Variants in IDS observed in about 807,000 individuals in gnomAD.
IDS encodes alpha-L-iduronate sulfate sulfatase.
Under a neutral mutation model 33.5 loss-of-function variants are expected in IDS, and 1 was observed. The observed-to-expected ratio is 0.03, with a 90% CI of 0.01 to 0.14. IDS has a LOEUF of 0.14. Among genes scored for constraint, IDS ranks in the 10% least tolerant of loss-of-function variants. The pLI, the probability that IDS is intolerant of heterozygous loss-of-function variation, is 1.00. For synonymous variants in IDS, 191 were observed against 184.4 expected (o/e 1.04, Z -0.29); for missense variants, 328 against 448.0 (o/e 0.73, Z 2.42).
At position 149,491,745 on chromosome X, in the gene IDS, C is replaced by T. The variant is rs1332024649; in HGVS notation, c.880-1305G>A. 13 of 777,861 alleles carry T rather than the reference C, an allele frequency of 1.7e-5. No individual in the cohort carries two copies. In the East Asian group the frequency reaches 2.4e-4, roughly 14 times the overall value. The allele number at this position is 777,861 out of a possible 1,213,427, so 64.1% of individuals were successfully genotyped here. ...CCTCCTTCCTATGCTAGCCCCTGGA[C>T]GTAAGGCAATAAGCAGACAAGGTCC... On this transcript the variant is annotated intron_variant, in intron 6 of 8. Transcript: ENST00000340855.
At position 149,481,707 on chromosome X, in the gene IDS, T is replaced by C. The variant is rs1272235130; in HGVS notation, c.*1039A>G. 2.7e-5 allele frequency: 3 copies of C among 112,340 alleles called. No homozygotes were observed. Among genetic ancestry groups the C allele is most frequent in the African/African-American group, 9.7e-5 (3 of 30,902 alleles). 9.3% of individuals were successfully genotyped at this position (112,340 alleles called of 1,213,427 possible). A position where few individuals can be genotyped will look rare whatever the true frequency, so the allele number is the denominator to read the frequency against. ...TGGATACTTTCATATTTAGAGAATATAGAACTACATTCTGGGAGATTGACA... is the reference window on the plus strand; with the variant it reads ...TGGATACTTTCATATTTAGAGAATACAGAACTACATTCTGGGAGATTGACA... On this transcript the variant is annotated 3_prime_UTR_variant, in exon 9 of 9. Transcript: ENST00000340855.
At chrX:149,483,313 G>A in intron 8 of IDS, 95 bp from the exon 9 acceptor site, 1 of 646,266 alleles carries the variant, frequency 1.5e-6, no homozygotes, top group Non-Finnish European at 2.5e-6. Context: ...GGCTCCATAT[G>A]TTTTCTTTTT....
chrX:149,499,551 G>A (rs1476134127), intron 4 of IDS, among the ~76,000 whole-genome samples: 1 of 110,957 alleles, frequency 9.0e-6, no homozygotes, highest in East Asian at 2.8e-4. Context: ...GCTGGGTGCT[G>A]AGACAAAATG....
At position 149,501,048 on chromosome X, in the gene IDS, A is replaced by C. The variant is rs782126196; in HGVS notation, c.419-11T>G. ...GGTTAGAAGATATCCCTTGGAAAAAAAAAAAGGTTGTTAAAACATGATGAG... is the reference window on the plus strand; with the variant it reads ...GGTTAGAAGATATCCCTTGGAAAAACAAAAAGGTTGTTAAAACATGATGAG... On this transcript the variant is annotated splice_polypyrimidine_tract_variant and intron_variant, in intron 3 of 8. Coordinates refer to ENST00000340855, the MANE Select transcript of IDS (RefSeq NM_000202.8). 5 of 1,088,392 alleles carry C rather than the reference A, an allele frequency of 4.6e-6. No homozygotes were observed. In the African/African-American group the frequency reaches 7.3e-5, roughly 16 times the overall value. 89.7% of individuals were successfully genotyped at this position (1,088,392 alleles called of 1,213,427 possible).
At chrX:149,494,928 C>T (rs189840182) in intron 6 of IDS, among the ~76,000 whole-genome samples, 54 of 111,764 alleles carry the variant, frequency 4.8e-4, no homozygotes, top group African/African-American at 1.5e-3. Context: ...CAGATCCAAC[C>T]ATGGGGCTTT....
intron 7 of IDS, 36 bp downstream of exon 7, chrX:149,490,278 A>C: frequency 8.3e-7 from 1 of 1,199,667 alleles, no homozygotes; most frequent in Non-Finnish European, 1.1e-6. Context: ...GAAAGTTCAG[A>C]TGTTTTGACT....
Position 149,479,753 on chromosome X carries a change from G to T in IDS, c.*2993C>A, listed in dbSNP as rs2089285592. On this transcript the variant is annotated 3_prime_UTR_variant, in exon 9 of 9. Coordinates refer to ENST00000340855, the MANE Select transcript of IDS (RefSeq NM_000202.8). ...TGATAAAGAATATGACCAGAACAAT[G>T]CAAAAAATTCACACCCCCAAAAAAG... 8.9e-6 allele frequency: 1 copy of T among 112,247 alleles called. No individual in the cohort carries two copies. Among genetic ancestry groups the T allele is most frequent in the African/African-American group, 3.3e-5 (1 of 30,703 alleles). 9.3% of individuals were successfully genotyped at this position (112,247 alleles called of 1,213,427 possible).
At chrX:149,500,912 TG>T (rs2089474376) in intron 4 of IDS, 36 bp downstream of exon 4, 4 of 877,372 alleles carry the variant, frequency 4.6e-6, no homozygotes, top group Admixed American at 4.4e-5. Flanking sequence ...AAGGAAAAAG[TG>T]GTTCCTCTTC....
chrX:149,502,637 G>T (rs782015935), intron 3 of IDS: 4 of 124,164 alleles, frequency 3.2e-5, no homozygotes, highest in Middle Eastern at 4.1e-3. Flanking sequence ...TGGTGCTCTT[G>T]TCTTCCAATA....
chrX:149,489,777 T>C (rs2089372770), intron 7 of IDS, among the ~76,000 whole-genome samples: 1 of 111,143 alleles, frequency 9.0e-6, no homozygotes, highest in Non-Finnish European at 1.9e-5. Flanking sequence ...TCCCTGCTCT[T>C]GGAATGTTGA....
intron 8 of IDS, among the ~76,000 whole-genome samples, chrX:149,484,717 G>T (rs1218729967): frequency 2.7e-5 from 3 of 112,469 alleles, no homozygotes; most frequent in African/African-American, 9.7e-5. Flanking sequence ...TCTAAATACT[G>T]TACTTTATAT....
At chrX:149,484,599 C>A (rs782620105) in intron 8 of IDS, among the ~76,000 whole-genome samples, 1 of 112,820 alleles carries the variant, frequency 8.9e-6, no homozygotes, top group Non-Finnish European at 1.9e-5. Flanking sequence ...GGATTACTGG[C>A]GTGAGCCACC....
chrX:149,494,193 G>C (rs1166080047), intron 6 of IDS, among the ~76,000 whole-genome samples: 1 of 111,665 alleles, frequency 9.0e-6, no homozygotes, highest in African/African-American at 3.3e-5. Flanking sequence ...TGACGATAAA[G>C]GTACTGCAGG....
Position 149,500,974 on chromosome X carries a change from G to C in IDS, c.482C>G (p.Ser161Cys), listed in dbSNP as rs2089474844. The change falls in exon 4 of 9, where the codon TCC becomes TGC. Residue 161 changes from serine to cysteine, a missense_variant. Ser to Cys is a moderately radical substitution (Grantham distance 112). Transcript: ENST00000340855. Reference protein sequence around the residue: ...YSWSFPPYHPSSEKYENTKTC... With the variant: ...YSWSFPPYHPCSEKYENTKTC... ...CTTAGTGTTTTCATACTTCTCAGAG[G>C]AAGGATGATAAGGTGGAAAAGACCA... 1 of 1,178,380 alleles carries C rather than the reference G, an allele frequency of 8.5e-7. No homozygotes were observed. The highest frequency in any genetic ancestry group is 2.2e-5 in the Admixed American group (1 of 45,984).
At position 149,505,278 on chromosome X, in the gene IDS, CAGGCCCGGGCGCTG is replaced by C; in HGVS notation, c.-155_-142del. ...GCAACACAGCCGCCGCCCGGGCCCG[CAGGCCCGGGCGCTG>C]GCCGCAGCGCGAGTGCGTCCGTGCG... On this transcript the variant is annotated 5_prime_UTR_variant, in exon 1 of 9. Coordinates refer to ENST00000340855, the MANE Select transcript of IDS (RefSeq NM_000202.8). 3.0e-6 allele frequency: 1 copy of C among 328,675 alleles called. No individual in the cohort carries two copies. The highest frequency in any genetic ancestry group is 5.2e-6 in the Non-Finnish European group (1 of 191,561). 27.1% of individuals were successfully genotyped at this position (328,675 alleles called of 1,213,427 possible).
rs1557337016 is a variant in IDS, at chrX:149,477,762, A to G, written c.*4984T>C. Reference sequence around the variant, plus strand: ...AGTAACATGTGGAAAGGCAAGACCCAAGAGCAGTGAGGGCTCTTGGCCATT... The same window carrying G: ...AGTAACATGTGGAAAGGCAAGACCCGAGAGCAGTGAGGGCTCTTGGCCATT... On this transcript the variant is annotated 3_prime_UTR_variant, in exon 9 of 9. Coordinates refer to ENST00000340855, the MANE Select transcript of IDS (RefSeq NM_000202.8). 1 of 112,708 alleles carries G rather than the reference A, an allele frequency of 8.9e-6. No homozygotes were observed. Among genetic ancestry groups the G allele is most frequent in the Non-Finnish European group, 1.9e-5 (1 of 53,292 alleles). The allele number at this position is 112,708 out of a possible 1,213,427, so 9.3% of individuals were successfully genotyped here.
At chrX:149,495,299 G>C (rs1486087772) in intron 6 of IDS, among the ~76,000 whole-genome samples, 2 of 111,805 alleles carry the variant, frequency 1.8e-5, no homozygotes, top group African/African-American at 6.5e-5. Flanking sequence ...TACATTTGAG[G>C]AATGTACACC....
intron 7 of IDS, among the ~76,000 whole-genome samples, chrX:149,488,907 G>C (rs1387249744): frequency 1.8e-5 from 2 of 111,195 alleles, no homozygotes; most frequent in Non-Finnish European, 3.8e-5. Context: ...GGGAGGCCCA[G>C]GGAATGATGA....
intron 6 of IDS, chrX:149,491,404 G>C (rs2089390301): frequency 2.3e-6 from 1 of 432,176 alleles, no homozygotes; most frequent in Admixed American, 5.2e-5. Flanking sequence ...AAATGCTAAG[G>C]ACAAAAATTA....
Sources: gnomAD v4.1 joint callset for allele counts (sites outside exome capture counted in the v4.1 genomes callset) on GRCh38, gnomAD v4.1.1 for gene constraint, MANE v1.5 for transcripts, NCBI Gene and HGNC (gene_info 2026-07-23, HGNC 2026-07-21) for gene names.